Variants in MON2 observed in about 807,000 individuals in gnomAD.
MON2 encodes the protein protein MON2 homolog.
A neutral mutation model predicts 208.6 loss-of-function variants in MON2; 84 were observed. The observed-to-expected ratio is 0.40, with a 90% CI of 0.34 to 0.48. The LOEUF (loss-of-function observed/expected upper bound fraction) is 0.48, where lower values mean the gene tolerates loss of function less well. Ranked by LOEUF, MON2 falls within the 20% of genes least tolerant of loss-of-function variation. The pLI, the probability that MON2 is intolerant of heterozygous loss-of-function variation, is 0.59. For synonymous variants in MON2, 660 were observed against 694.0 expected (o/e 0.95, Z 0.77); for missense variants, 1,611 against 2,015.4 (o/e 0.80, Z 3.84).
chr12:62,502,359 C>A (rs1181027614), intron 7 of MON2, among the ~76,000 whole-genome samples: 1 of 151,210 alleles, frequency 6.6e-6, no homozygotes, highest in African/African-American at 2.4e-5. Context: ...CGTGTTCAAG[C>A]CACTACATTC....
At chr12:62,573,745 C>T (rs1207567267) in intron 30 of MON2, among the ~76,000 whole-genome samples, 1 of 151,664 alleles carries the variant, frequency 6.6e-6, no homozygotes, top group Non-Finnish European at 1.5e-5. Context: ...AAATATTCTT[C>T]ACTTTCTGGA....
chr12:62,587,216 T>C (rs763557567), intron 33 of MON2, among the ~76,000 whole-genome samples: 2 of 152,190 alleles, frequency 1.3e-5, no homozygotes, highest in African/African-American at 4.8e-5. Context: ...TACCTTAGGA[T>C]TGATTTCCAG....
chr12:62,560,319 G>T (rs1445740558), intron 25 of MON2, 172 bp from the exon 26 acceptor site: 4 of 605,212 alleles, frequency 6.6e-6, no homozygotes, highest in African/African-American at 1.9e-5. Flanking sequence ...GAATTTCTAG[G>T]TTGTGATAAT....
chr12:62,579,401 A>C (rs919828679), intron 31 of MON2, among the ~76,000 whole-genome samples: 3 of 151,934 alleles, frequency 2.0e-5, no homozygotes, highest in African/African-American at 7.3e-5. Context: ...AGGAACTTTT[A>C]AGTAAATAAA....
intron 25 of MON2, among the ~76,000 whole-genome samples, chr12:62,557,764 T>TA (rs2136329753): frequency 6.6e-6 from 1 of 151,484 alleles, no homozygotes; most frequent in South Asian, 2.1e-4. Flanking sequence ...TTTAGCATGT[T>TA]AGGGCTTGGT....
At chr12:62,549,539 C>A in intron 22 of MON2, 129 bp from the exon 23 acceptor site, 1 of 669,024 alleles carries the variant, frequency 1.5e-6, no homozygotes, top group Non-Finnish European at 2.3e-6. Context: ...ATCACATGAT[C>A]CAGGGAGGTT....
chr12:62,540,768 T>A (rs2136252834), intron 19 of MON2, among the ~76,000 whole-genome samples: 1 of 152,318 alleles, frequency 6.6e-6, no homozygotes, highest in East Asian at 1.9e-4. Context: ...TAAAACTTTA[T>A]AAAAATATTC....
chr12:62,479,761 A>T (rs2069300112), intron 1 of MON2, among the ~76,000 whole-genome samples: 1 of 152,118 alleles, frequency 6.6e-6, no homozygotes, highest in African/African-American at 2.4e-5. Flanking sequence ...AGTCTGTAGA[A>T]CTTTTTTCAT....
intron 7 of MON2, among the ~76,000 whole-genome samples, chr12:62,504,245 C>CTTTT (rs71450586): frequency 2.0e-4 from 24 of 118,576 alleles, no homozygotes; most frequent in East Asian, 4.7e-4. Flanking sequence ...CTTTTCTTTT[C>CTTTT]TTTTTTTTTT....
At position 62,560,721 on chromosome 12, in the gene MON2, T is replaced by C; in HGVS notation, c.3640T>C (p.Ser1214Pro). ...GMSRPFVRTD[S>P]IGEKLGRYSS... is the part of the protein sequence containing the mutation. ...GAGCAGGCCATTTGTAAGAACAGATTCCATTGGAGAAAAACTAGGAAGATA... is the reference window on the plus strand; with the variant it reads ...GAGCAGGCCATTTGTAAGAACAGATCCCATTGGAGAAAAACTAGGAAGATA... The change falls in exon 26 of 35, where the codon TCC (serine) becomes CCC (proline). Residue 1214 changes from serine (S) to proline (P), a missense_variant. Coordinates refer to ENST00000393630, the MANE Select transcript of MON2 (RefSeq NM_015026.3). The C allele has an allele frequency of 6.2e-7, 1 of 1,614,120 alleles. No homozygotes were observed.
Position 62,488,450 on chromosome 12 carries a change from A to T in MON2, c.175+4217A>T, listed in dbSNP as rs550249917. ...CACTATTGAAGTGTTGCCTGACTGT[A>T]GAGTATGAAGGGGGAATAGGTGTCA... On this transcript the variant is annotated intron_variant, in intron 2 of 34. Coordinates refer to ENST00000393630, the MANE Select transcript of MON2 (RefSeq NM_015026.3). Among the ~76,000 whole-genome samples the T allele has an allele frequency of 5.9e-5, 9 of 152,234 alleles. No homozygotes were observed. The South Asian group carries it at 1.7e-3, about 28-fold the overall frequency.
Position 62,580,543 on chromosome 12 carries a change from T to C in MON2, c.4699+123T>C, listed in dbSNP as rs2074966355. On this transcript the variant is annotated intron_variant, in intron 32 of 34. Transcript: ENST00000393630. The stretch of plus-strand genomic sequence containing the variant: ...GAGAATGGTAAGGTGATTTTTAGGA[T>C]TGTAATATAGAACTAAGCTTTATGA... The C allele has an allele frequency of 1.3e-5, 10 of 775,472 alleles. No individual in the cohort carries two copies. In the Admixed American group the frequency reaches 1.7e-4, roughly 13 times the overall value. 48.0% of individuals were successfully genotyped at this position (775,472 alleles called of 1,614,324 possible).
At chr12:62,542,685 T>C (rs903778022) in intron 19 of MON2, among the ~76,000 whole-genome samples, 2 of 152,320 alleles carry the variant, frequency 1.3e-5, no homozygotes, top group African/African-American at 4.8e-5. Flanking sequence ...ATCTCTGCTA[T>C]AGTCTTGATT....
intron 30 of MON2, among the ~76,000 whole-genome samples, chr12:62,571,863 G>A (rs1487612906): frequency 6.6e-6 from 1 of 152,166 alleles, no homozygotes; most frequent in Non-Finnish European, 1.5e-5. Flanking sequence ...AAACTAAGAA[G>A]ATTCAGTTTT....
In MON2 at chr12:62,535,000, T is replaced by C. The variant is rs1435432828; in HGVS notation, c.1715+74T>C. 2.8e-6 allele frequency: 3 copies of C among 1,069,600 alleles called. No homozygotes were observed. In the African/African-American group the frequency reaches 4.8e-5, roughly 17 times the overall value. The allele number at this position is 1,069,600 out of a possible 1,614,324, so 66.3% of individuals were successfully genotyped here. ...ACACATTAAAATGGTTTACTTACAT[T>C]TGTCCCTAGAATTATTTTCTAATAT... On this transcript the variant is annotated intron_variant, in intron 13 of 34. Coordinates refer to ENST00000393630, the MANE Select transcript of MON2 (RefSeq NM_015026.3).
chr12:62,546,802 C>T, intron 21 of MON2, 95 bp from the exon 22 acceptor site: 1 of 912,912 alleles, frequency 1.1e-6, no homozygotes, highest in Non-Finnish European at 1.6e-6. Flanking sequence ...CCATAGTAGT[C>T]TGAATGGCGA....
In MON2 at chr12:62,592,695, T is replaced by C; in HGVS notation, c.5100T>C (p.Pro1700=). 6.2e-7 allele frequency: 1 copy of C among 1,607,754 alleles called. No homozygotes were observed. Among genetic ancestry groups the C allele is most frequent in the Non-Finnish European group, 8.5e-7 (1 of 1,175,356 alleles). ...CTGCACTTAAAGAGGCACTAGTTCC[T>C]TTTAAGGATTTCATGCAGCCACCAG... ...VCSALKEALV[P]FKDFMQPPAS... Residue 1700 remains proline, a synonymous_variant, in exon 35 of 35, where the codon CCT becomes CCC. Transcript: ENST00000393630.
chr12:62,535,108 G>A (rs2072906266), intron 13 of MON2, among the ~76,000 whole-genome samples, 182 bp downstream of exon 13: 1 of 152,064 alleles, frequency 6.6e-6, no homozygotes, highest in African/African-American at 2.4e-5. Context: ...CAAGCCACCA[G>A]AATTGTCATG....
At chr12:62,568,681 A>G (rs980212513) in intron 29 of MON2, among the ~76,000 whole-genome samples, 3 of 151,468 alleles carry the variant, frequency 2.0e-5, no homozygotes, top group Non-Finnish European at 2.9e-5. Context: ...TTTTTTTGAG[A>G]CAGACTCTTG....
Sources: allele counts gnomAD v4.1 joint callset (sites outside exome capture counted in the v4.1 genomes callset), GRCh38; gene constraint gnomAD v4.1.1; transcripts MANE v1.5; gene names NCBI Gene and HGNC (gene_info 2026-07-23, HGNC 2026-07-21).